NOD2: variants seen among roughly 807,000 people sequenced by gnomAD.
The protein encoded by NOD2 is nucleotide binding oligomerization domain containing 2.
NOD2 carries 86 observed loss-of-function variants against 90.9 expected under a neutral mutation model. The observed-to-expected ratio is 0.95, with a 90% CI of 0.79 to 1.13. The LOEUF (loss-of-function observed/expected upper bound fraction) is 1.13, where lower values mean the gene tolerates loss of function less well. Ranked by LOEUF, NOD2 falls within the 50% of genes most tolerant of loss-of-function variation. NOD2 has a pLI of 0.00. For synonymous variants in NOD2, 581 were observed against 554.6 expected, an observed-to-expected ratio of 1.05 and a Z score of -0.67; for missense variants, 1,238 against 1,283.8, an observed-to-expected ratio of 0.96 and a Z score of 0.55.
chr16:50,709,049 A>ATTT (rs376056823), intron 3 of NOD2, among the ~76,000 whole-genome samples: 1 of 150,196 alleles, frequency 6.7e-6, no homozygotes, highest in Non-Finnish European at 1.5e-5. Flanking sequence ...ATAAAATGAC[A>ATTT]TTTTTTTTTT....
chr16:50,728,605 A>G (rs767454334), intron 10 of NOD2, among the ~76,000 whole-genome samples: 1 of 152,256 alleles, frequency 6.6e-6, no homozygotes. Context: ...AAAAACTGCA[A>G]TTACTTTTGC....
rs751490579 is a variant in NOD2 at position 50,711,252 on chromosome 16, CTCTGAACAGGGCA to C, written c.1263_1275del (p.Glu422SerfsTer4). 1 of 1,613,924 alleles carries C rather than the reference CTCTGAACAGGGCA, an allele frequency of 6.2e-7. No homozygotes were observed. The highest frequency in any genetic ancestry group is 8.5e-7 in the Non-Finnish European group (1 of 1,180,022). On this transcript the variant is annotated frameshift_variant, in exon 4 of 12. Coordinates refer to ENST00000647318, the MANE Select transcript of NOD2 (RefSeq NM_001370466.1). LOFTEE classifies it high-confidence loss of function. ...GCACCGAGTTCAACCTCAAGGGCTT[CTCTGAACAGGGCA>C]TCGAGCTGTACCTGAGGAAGCGCCA...
Position 50,710,582 on chromosome 16 carries a change from C to G in NOD2, c.590C>G (p.Ala197Gly). ...GCTGCCACATGCAAGAAGTATATGGCCAAGCTGAGGACCACGGTGTCTGCT... is the reference window on the plus strand; with the variant it reads ...GCTGCCACATGCAAGAAGTATATGGGCAAGCTGAGGACCACGGTGTCTGCT... ...LEAATCKKYM[A>G]KLRTTVSAQS... The change falls in exon 4 of 12, where the codon GCC (alanine) becomes GGC (glycine). Residue 197 changes from alanine to glycine, a missense_variant. Ala to Gly is a moderately conservative substitution (Grantham distance 60, BLOSUM62 0). This residue lies in a region of NOD2 where 567 missense variants were observed against 577.3 expected (regional missense o/e 0.98). Transcript: ENST00000647318. 6.2e-7 allele frequency: 1 copy of G among 1,614,184 alleles called. No homozygotes were observed. The highest frequency in any genetic ancestry group is 1.1e-5 in the South Asian group (1 of 91,084).
chr16:50,708,642 A>C (rs1427702534), intron 3 of NOD2, among the ~76,000 whole-genome samples: 3 of 152,186 alleles, frequency 2.0e-5, no homozygotes, highest in African/African-American at 7.2e-5. Flanking sequence ...AAGAAATGTC[A>C]GTTGTAAAGA....
At chr16:50,697,684 C>A (rs1963721379) in intron 1 of NOD2, 1 of 360,900 alleles carries the variant, frequency 2.8e-6, no homozygotes, top group Admixed American at 3.8e-5. Flanking sequence ...TACCTTAGAT[C>A]CTGGCTTCCA....
chr16:50,711,593 G>A lies in NOD2; in HGVS notation c.1601G>A (p.Cys534Tyr), dbSNP rs767379148. ...GRLALWGLGMCCYVFSAQQLQ... is the reference protein window; with the variant it reads ...GRLALWGLGMYCYVFSAQQLQ... ...CTGGCTCTGTGGGGCCTGGGCATGT[G>A]CTGCTACGTGTTCTCAGCCCAGCAG... Residue 534 changes from cysteine (C) to tyrosine (Y), a missense_variant, in exon 4 of 12, where the codon TGC becomes TAC. Around this residue, in one of 3 missense-constraint regions of NOD2, gnomAD observed 667 missense variants for 688.7 expected, o/e 0.97. Coordinates refer to ENST00000647318, the MANE Select transcript of NOD2 (RefSeq NM_001370466.1). 6.2e-7 allele frequency: 1 copy of A among 1,611,500 alleles called. No individual in the cohort carries two copies. Among genetic ancestry groups the A allele is most frequent in the Non-Finnish European group, 8.5e-7 (1 of 1,180,016 alleles).
At chr16:50,700,544 A>G (rs1963894980) in intron 2 of NOD2, among the ~76,000 whole-genome samples, 1 of 152,240 alleles carries the variant, frequency 6.6e-6, no homozygotes. Context: ...GAGCCTCTCC[A>G]GCCTCAGTCT....
Position 50,710,940 on chromosome 16 carries a change from C to T in NOD2, c.948C>T (p.Leu316=), listed in dbSNP as rs144439629. The change falls in exon 4 of 12, where the codon CTC becomes CTT. Residue 316 remains leucine, a synonymous_variant. Transcript: ENST00000647318. The part of the protein sequence containing the change: ...CRQLQCMAKP[L]SVRTLLFEHC... The stretch of plus-strand genomic sequence containing the variant: ...AGCTGCAGTGCATGGCCAAACCACT[C>T]TCTGTGCGGACTCTACTCTTTGAGC... 1 of 1,614,108 alleles carries T rather than the reference C, an allele frequency of 6.2e-7. No individual in the cohort carries two copies. Among genetic ancestry groups the T allele is most frequent in the Non-Finnish European group, 8.5e-7 (1 of 1,180,050 alleles).
chr16:50,701,424 T>G (rs1963934295), intron 2 of NOD2, among the ~76,000 whole-genome samples: 2 of 152,250 alleles, frequency 1.3e-5, no homozygotes, highest in African/African-American at 2.4e-5. Context: ...AGATTGAGAT[T>G]GATGACATAA....
Position 50,699,890 on chromosome 16 carries a change from G to A in NOD2, c.395G>A (p.Arg132Gln), listed in dbSNP as rs150996156. 9 of 1,612,696 alleles carry A rather than the reference G, an allele frequency of 5.6e-6. No individual in the cohort carries two copies. The highest frequency in any genetic ancestry group is 2.7e-5 in the African/African-American group (2 of 74,898). ...VENMLDLAWE[R>Q]GFVSQYECDE... The stretch of plus-strand genomic sequence containing the variant: ...AACATGCTGGACCTGGCATGGGAGC[G>A]GGGTTTCGTCAGCCAGTATGAATGT... The change falls in exon 2 of 12, where the codon CGG (arginine) becomes CAG (glutamine). Residue 132 changes from arginine (R) to glutamine (Q), a missense_variant. Physicochemically the swap from Arg to Gln is conservative, Grantham distance 43. This residue lies in a region of NOD2 where 567 missense variants were observed against 577.3 expected (regional missense o/e 0.98). Transcript: ENST00000647318.
intron 1 of NOD2, among the ~76,000 whole-genome samples, chr16:50,695,471 T>A (rs1295296275): frequency 2.0e-5 from 3 of 152,044 alleles, no homozygotes. Context: ...GAGCTGCCCA[T>A]TAGGCATCAA....
At chr16:50,731,649 C>G in intron 11 of NOD2, 98 bp from the exon 12 acceptor site, 1 of 858,578 alleles carries the variant, frequency 1.2e-6, no homozygotes, top group South Asian at 1.4e-5. Context: ...GAGAGTCAGC[C>G]CATCCCAGGC....
intron 10 of NOD2, among the ~76,000 whole-genome samples, chr16:50,726,055 C>T (rs1965253331): frequency 6.6e-6 from 1 of 152,150 alleles, no homozygotes; most frequent in Admixed American, 6.5e-5. Flanking sequence ...AGAATGGCCT[C>T]AGGCAGAGAG....
At chr16:50,709,448 A>C (rs1470941565) in intron 3 of NOD2, among the ~76,000 whole-genome samples, 1 of 152,156 alleles carries the variant, frequency 6.6e-6, no homozygotes, top group East Asian at 1.9e-4. Context: ...CATTTCCTGA[A>C]AGGGGAACTA....
chr16:50,711,144 G>T lies in NOD2; in HGVS notation c.1152G>T (p.Leu384=), dbSNP rs1240959965. The change falls in exon 4 of 12, where the codon CTG becomes CTT. Residue 384 remains leucine (L), a synonymous_variant. Transcript: ENST00000647318. ...TCCAGACCCTGCTCTTCAACCTTCT[G>T]CAGGGCAACCTGCTGAAGAATGCCC... ...TSVQTLLFNL[L]QGNLLKNARK... is the part of the protein sequence containing the mutation. 4 of 1,614,124 alleles carry T rather than the reference G, an allele frequency of 2.5e-6. No individual in the cohort carries two copies. The highest frequency in any genetic ancestry group is 2.5e-6 in the Non-Finnish European group (3 of 1,180,036).
At chr16:50,702,712 C>T (rs1208183752) in intron 2 of NOD2, among the ~76,000 whole-genome samples, 1 of 152,184 alleles carries the variant, frequency 6.6e-6, no homozygotes, top group East Asian at 1.9e-4. Context: ...CCAGTCCATT[C>T]CCTGTATTGT....
At chr16:50,713,164 A>G (rs928043531) in intron 4 of NOD2, 1 of 152,338 alleles carries the variant, frequency 6.6e-6, no homozygotes, top group Admixed American at 6.5e-5. Context: ...AGATTCCCCA[A>G]CATCCTTCCA....
At chr16:50,709,576 G>A (rs530765267) in intron 3 of NOD2, among the ~76,000 whole-genome samples, 1 of 152,316 alleles carries the variant, frequency 6.6e-6, no homozygotes, top group East Asian at 1.9e-4. Context: ...GCATGGGGAG[G>A]ATGGGGAAGT....
intron 4 of NOD2, 100 bp from the exon 5 acceptor site, chr16:50,716,487 T>G: frequency 2.6e-6 from 3 of 1,157,458 alleles, no homozygotes; most frequent in Non-Finnish European, 3.8e-6. Context: ...GCACAGATGC[T>G]GGCACTTCAG....
Sources: allele counts gnomAD v4.1 joint callset (sites outside exome capture counted in the v4.1 genomes callset), GRCh38; gene constraint gnomAD v4.1.1; regional missense constraint gnomAD v4.1.1; transcripts MANE v1.5; gene names NCBI Gene and HGNC (gene_info 2026-07-23, HGNC 2026-07-21).